HOMER1: variants seen among roughly 807,000 people sequenced by gnomAD.
The protein encoded by HOMER1 is homer protein homolog 1.
A neutral mutation model predicts 48.9 loss-of-function variants in HOMER1; 3 were observed. That is an observed-to-expected ratio of 0.06 (90% CI 0.03 to 0.16). The LOEUF is 0.16. Among genes scored for constraint, HOMER1 ranks in the 10% least tolerant of loss-of-function variants. The pLI, the probability that HOMER1 is intolerant of heterozygous loss-of-function variation, is 1.00. For missense variants in HOMER1, 247 were observed against 411.4 expected (o/e 0.60, Z 3.46); for synonymous variants, 134 against 146.4 (o/e 0.92, Z 0.61).
chr5:79,456,205 A>C (rs1455179076), intron 2 of HOMER1, among the ~76,000 whole-genome samples: 1 of 151,878 alleles, frequency 6.6e-6, no homozygotes, highest in Non-Finnish European at 1.5e-5. Flanking sequence ...ACTGTCCTCT[A>C]AGCACTGATT....
chr5:79,438,106 G>C (rs1645664552), intron 5 of HOMER1, among the ~76,000 whole-genome samples: 1 of 152,172 alleles, frequency 6.6e-6, no homozygotes. Context: ...AAATTCTCAT[G>C]AGAAAGAGGG....
At chr5:79,384,116 A>AT (rs1191238927) in intron 8 of HOMER1, among the ~76,000 whole-genome samples, 1 of 151,688 alleles carries the variant, frequency 6.6e-6, no homozygotes, top group African/African-American at 2.4e-5. Flanking sequence ...AGCAAAAAAA[A>AT]AAAAACCACC....
intron 8 of HOMER1, among the ~76,000 whole-genome samples, chr5:79,379,391 T>C (rs1748899741): frequency 8.9e-6 from 1 of 112,318 alleles, no homozygotes; most frequent in African/African-American, 3.6e-5. Context: ...TTTTATATAT[T>C]ATATAAATAT....
chr5:79,424,268 C>A (rs1237789531), intron 5 of HOMER1, among the ~76,000 whole-genome samples: 1 of 151,926 alleles, frequency 6.6e-6, no homozygotes, highest in Non-Finnish European at 1.5e-5. Context: ...CAAAAAATAA[C>A]TTATTGGTGT....
intron 8 of HOMER1, among the ~76,000 whole-genome samples, chr5:79,386,516 T>A (rs1371082173): frequency 1.3e-5 from 2 of 152,158 alleles, no homozygotes; most frequent in African/African-American, 4.8e-5. Context: ...GGCTATATAT[T>A]TACAGTTAGA....
intron 4 of HOMER1, among the ~76,000 whole-genome samples, chr5:79,443,936 T>C (rs965998525): frequency 3.3e-5 from 5 of 152,202 alleles, no homozygotes; most frequent in African/African-American, 1.2e-4. Flanking sequence ...ACCAAGTGTA[T>C]TACATGGCAA....
intron 5 of HOMER1, among the ~76,000 whole-genome samples, chr5:79,413,103 A>G (rs774534846): frequency 1.3e-5 from 2 of 152,250 alleles, no homozygotes; most frequent in Non-Finnish European, 2.9e-5. Flanking sequence ...TTTGAACATC[A>G]GAGAGAAAAA....
chr5:79,400,430 C>T (rs1749505003), intron 6 of HOMER1, among the ~76,000 whole-genome samples: 1 of 150,742 alleles, frequency 6.6e-6, no homozygotes, highest in African/African-American at 2.4e-5. Flanking sequence ...GATCTCAGCT[C>T]ACTTTAGCCT....
intron 1 of HOMER1, among the ~76,000 whole-genome samples, chr5:79,465,615 C>CA (rs749428867): frequency 5.0e-5 from 4 of 80,738 alleles, no homozygotes; most frequent in African/African-American, 1.3e-4. Flanking sequence ...TTTTTTGAGA[C>CA]AGAGTCTCGC....
chr5:79,414,276 G>C (rs1653782378), intron 5 of HOMER1, among the ~76,000 whole-genome samples: 1 of 142,748 alleles, frequency 7.0e-6, no homozygotes, highest in South Asian at 2.3e-4. Flanking sequence ...TTTTTTTTTT[G>C]TACAGATGCA....
intron 8 of HOMER1, among the ~76,000 whole-genome samples, chr5:79,396,380 TTCTC>T (rs918949212): frequency 2.0e-5 from 3 of 151,804 alleles, no homozygotes; most frequent in East Asian, 1.9e-4. Flanking sequence ...TTTTCTTTCT[TTCTC>T]TCTCTCTTTC....
intron 8 of HOMER1, among the ~76,000 whole-genome samples, chr5:79,377,319 TA>T (rs1042323011): frequency 3.9e-5 from 6 of 152,064 alleles, no homozygotes. Flanking sequence ...AAAGTGAGTC[TA>T]AAAAAATAAA....
chr5:79,477,838 T>A (rs1412406931), intron 1 of HOMER1, among the ~76,000 whole-genome samples: 1 of 151,402 alleles, frequency 6.6e-6, no homozygotes, highest in Non-Finnish European at 1.5e-5. Context: ...GAGTTGTAAG[T>A]ATGCTTCACA....
intron 5 of HOMER1, among the ~76,000 whole-genome samples, chr5:79,426,854 T>A (rs1193975827): frequency 6.6e-6 from 1 of 152,172 alleles, no homozygotes; most frequent in Non-Finnish European, 1.5e-5. Context: ...GATATTTGAC[T>A]ACCCAGATTT....
chr5:79,437,883 C>T (rs548396941), intron 5 of HOMER1, among the ~76,000 whole-genome samples: 1 of 152,268 alleles, frequency 6.6e-6, no homozygotes, highest in East Asian at 1.9e-4. Context: ...TCTTGAACTC[C>T]TGTCCTCAGG....
intron 1 of HOMER1, among the ~76,000 whole-genome samples, chr5:79,483,304 C>A (rs1286578392): frequency 6.6e-6 from 1 of 151,976 alleles, no homozygotes; most frequent in Non-Finnish European, 1.5e-5. Context: ...AGAAAAAAAA[C>A]TTGTCAACCT....
intron 5 of HOMER1, among the ~76,000 whole-genome samples, chr5:79,437,979 AT>A (rs1262162601): frequency 1.3e-5 from 2 of 152,016 alleles, no homozygotes; most frequent in African/African-American, 4.8e-5. Flanking sequence ...ACCTTAACTA[AT>A]TTTTTCTTCT....
intron 8 of HOMER1, among the ~76,000 whole-genome samples, chr5:79,389,907 G>C (rs1333742881): frequency 6.6e-6 from 1 of 152,094 alleles, no homozygotes; most frequent in African/African-American, 2.4e-5. Context: ...CCAAAAAACA[G>C]GGAGAGAAAG....
chr5:79,506,629 G>A (rs959530629), intron 1 of HOMER1, among the ~76,000 whole-genome samples: 1 of 152,122 alleles, frequency 6.6e-6, no homozygotes, highest in African/African-American at 2.4e-5. Context: ...TTGAGTTCAG[G>A]AGTTCAAGAC....
Sources: allele counts gnomAD v4.1 joint callset (sites outside exome capture counted in the v4.1 genomes callset), GRCh38; gene constraint gnomAD v4.1.1; transcripts MANE v1.5; gene names NCBI Gene and HGNC (gene_info 2026-07-23, HGNC 2026-07-21).